The following AGAP1 variants were observed in gnomAD, a reference collection of about 807,000 sequenced individuals.
AGAP1 encodes the protein arf-GAP with GTPase, ANK repeat and PH domain-containing protein 1.
In AGAP1, 29 loss-of-function variants were observed where a neutral mutation model predicts 105.3. That is an observed-to-expected ratio of 0.28 (90% CI 0.21 to 0.38). AGAP1 has a LOEUF of 0.38. AGAP1 is among the 10% of genes least tolerant of loss of function. The pLI is 1.00. For missense variants in AGAP1, 998 were observed against 1,165.1 expected (o/e 0.86, Z 2.09); for synonymous variants, 509 against 485.9 (o/e 1.05, Z -0.63).
Position 235,908,238 on chromosome 2 carries a change from G to C in AGAP1, c.1156-500G>C, listed in dbSNP as rs1369969005. On this transcript the variant is annotated intron_variant, in intron 10 of 17. Transcript: ENST00000304032. The surrounding 1 kb of genome is among the most constrained non-coding windows in gnomAD (Gnocchi z 4.4). ...CAGATACCCCTTGGACATCTTCCTGGTTCTTAGCACAACAGTTGACCTTTT... is the reference window on the plus strand; with the variant it reads ...CAGATACCCCTTGGACATCTTCCTGCTTCTTAGCACAACAGTTGACCTTTT... Among the ~76,000 whole-genome samples, 1 of 152,110 alleles carries C rather than the reference G, an allele frequency of 6.6e-6. No individual in the cohort carries two copies. The highest frequency in any genetic ancestry group is 1.5e-5 in the Non-Finnish European group (1 of 68,028).
At chr2:235,654,708 C>G (rs1307800249) in intron 1 of AGAP1, among the ~76,000 whole-genome samples, 1 of 152,188 alleles carries the variant, frequency 6.6e-6, no homozygotes, top group Non-Finnish European at 1.5e-5. Context: ...TAATCATACC[C>G]ACAGGATTTC....
At chr2:235,526,927 G>A (rs1320383404) in intron 1 of AGAP1, among the ~76,000 whole-genome samples, 5 of 152,204 alleles carry the variant, frequency 3.3e-5, no homozygotes, top group Admixed American at 1.3e-4. Context: ...AACAGATATG[G>A]TGGTTTTGTT....
intron 1 of AGAP1, among the ~76,000 whole-genome samples, chr2:235,508,618 T>C (rs551690750): frequency 6.6e-6 from 1 of 152,226 alleles, no homozygotes; most frequent in African/African-American, 2.4e-5. Flanking sequence ...CGATTACAGG[T>C]CCCGAAGTCC....
At chr2:235,564,961 A>G (rs1944297949) in intron 1 of AGAP1, among the ~76,000 whole-genome samples, 1 of 147,566 alleles carries the variant, frequency 6.8e-6, no homozygotes, top group African/African-American at 2.5e-5. Flanking sequence ...ACCACCACCC[A>G]TGGCCAGGTG....
rs1010491030 is a variant in AGAP1, at chr2:235,728,512, G to T, written c.310+10868G>T. On this transcript the variant is annotated intron_variant, in intron 3 of 17. Transcript: ENST00000304032. The surrounding 1 kb of genome is among the most constrained non-coding windows in gnomAD (Gnocchi z 4.3). ...ATCCATGCTTGTTGGCTTCTGGAAC[G>T]CACAGTGTTCAGGAGGATTCTGAGG... Among the ~76,000 whole-genome samples the T allele has an allele frequency of 1.3e-5, 2 of 152,108 alleles. No individual in the cohort carries two copies. Among genetic ancestry groups the T allele is most frequent in the African/African-American group, 4.8e-5 (2 of 41,420 alleles).
chr2:235,972,072 C>A (rs549348281), intron 13 of AGAP1, among the ~76,000 whole-genome samples: 1 of 152,248 alleles, frequency 6.6e-6, no homozygotes, highest in Non-Finnish European at 1.5e-5. Flanking sequence ...CCACCACACC[C>A]GGCCTATATT....
chr2:235,522,056 G>A (rs1942644153), intron 1 of AGAP1, among the ~76,000 whole-genome samples: 1 of 152,170 alleles, frequency 6.6e-6, no homozygotes, highest in Non-Finnish European at 1.5e-5. Context: ...TAATCAGGAT[G>A]TGCAGTCTTT....
intron 1 of AGAP1, chr2:235,670,835 C>A: frequency 7.6e-7 from 1 of 1,317,400 alleles, no homozygotes. Context: ...CGACCTGCAG[C>A]GGCTGGAGCG....
At chr2:235,991,305 C>T (rs1399802541) in intron 13 of AGAP1, among the ~76,000 whole-genome samples, 1 of 152,206 alleles carries the variant, frequency 6.6e-6, no homozygotes, top group African/African-American at 2.4e-5. Context: ...AGCTCATTCT[C>T]CACATACAAT....
At position 235,551,853 on chromosome 2, in the gene AGAP1, G is replaced by C. The variant is rs1242381440; in HGVS notation, c.163+57004G>C. Among the ~76,000 whole-genome samples the C allele has an allele frequency of 2.0e-5, 3 of 152,216 alleles. No individual in the cohort carries two copies. The highest frequency in any genetic ancestry group is 2.9e-5 in the Non-Finnish European group (2 of 68,042). On this transcript the variant is annotated intron_variant, in intron 1 of 17. Transcript: ENST00000304032. The surrounding 1 kb of genome is among the most constrained non-coding windows in gnomAD (Gnocchi z 4.8). ...GAGAACACAAACTGAGCGTTGCTGG[G>C]CCTCAGGAGCTTCTAGTGATGCTGG...
chr2:235,833,930 T>C (rs1394968375), intron 9 of AGAP1, among the ~76,000 whole-genome samples: 1 of 146,472 alleles, frequency 6.8e-6, no homozygotes, highest in Non-Finnish European at 1.5e-5. Context: ...TTATCTCACA[T>C]ATTTTGTAAA....
intron 1 of AGAP1, among the ~76,000 whole-genome samples, chr2:235,525,589 G>A (rs909426930): frequency 2.0e-5 from 3 of 151,796 alleles, no homozygotes; most frequent in Non-Finnish European, 2.9e-5. Context: ...ATAAAGTAGA[G>A]GACTGACACA....
At chr2:235,940,556 C>G (rs1427145442) in intron 12 of AGAP1, among the ~76,000 whole-genome samples, 1 of 152,218 alleles carries the variant, frequency 6.6e-6, no homozygotes, top group African/African-American at 2.4e-5. Flanking sequence ...GACGTCAGCT[C>G]CAGCGTGTGT....
chr2:235,500,755 C>T (rs993956407), intron 1 of AGAP1, among the ~76,000 whole-genome samples: 55 of 152,136 alleles, frequency 3.6e-4, no homozygotes, highest in African/African-American at 1.3e-3. Flanking sequence ...CCTGTCGTGC[C>T]AGACCCCTTT....
At chr2:235,518,084 C>T (rs1942470438) in intron 1 of AGAP1, among the ~76,000 whole-genome samples, 1 of 152,154 alleles carries the variant, frequency 6.6e-6, no homozygotes, top group Non-Finnish European at 1.5e-5. Flanking sequence ...AGCGCAGGGA[C>T]CCTAACCTGA....
intron 13 of AGAP1, among the ~76,000 whole-genome samples, chr2:236,024,330 C>G (rs1576094419): frequency 1.3e-5 from 2 of 152,254 alleles, no homozygotes. Context: ...AGCCACTGCG[C>G]CCGGCCCCAT....
chr2:235,812,498 A>G (rs1432040967), intron 9 of AGAP1, among the ~76,000 whole-genome samples: 1 of 152,244 alleles, frequency 6.6e-6, no homozygotes, highest in Non-Finnish European at 1.5e-5. Flanking sequence ...TGGGATCAAC[A>G]CGAGGGGTGT....
At position 235,872,732 on chromosome 2, in the gene AGAP1, T is replaced by A. The variant is rs2049507489; in HGVS notation, c.1051-10613T>A. 6.6e-6 allele frequency among the ~76,000 whole-genome samples: 1 copy of A among 152,216 alleles called. No individual in the cohort carries two copies. The highest frequency in any genetic ancestry group is 6.5e-5 in the Admixed American group (1 of 15,278). On this transcript the variant is annotated intron_variant, in intron 9 of 17. Transcript: ENST00000304032. This position sits in a 1 kb window ranked among gnomAD's most constrained non-coding sequence, Gnocchi z 4.5. ...CCCAGACCAGTGGGGGCCACCTTAG[T>A]ACCACTTCCTCCCTAAGGAAAGCGA...
At chr2:235,715,916 GGAGA>G (rs1951077320) in intron 2 of AGAP1, among the ~76,000 whole-genome samples, 1 of 152,258 alleles carries the variant, frequency 6.6e-6, no homozygotes, top group Non-Finnish European at 1.5e-5. Context: ...GAGGAGACTG[GGAGA>G]GAGAGGCAAG....
Sources: allele counts gnomAD v4.1 joint callset (sites outside exome capture counted in the v4.1 genomes callset), GRCh38; gene constraint gnomAD v4.1.1; non-coding constraint Gnocchi (gnomAD v3.1); transcripts MANE v1.5; gene names NCBI Gene and HGNC (gene_info 2026-07-23, HGNC 2026-07-21).